NWD2: variants seen among roughly 807,000 people sequenced by gnomAD.
The protein encoded by NWD2 is NACHT and WD repeat domain-containing protein 2.
A neutral mutation model predicts 132.7 loss-of-function variants in NWD2; 37 were observed. That is an observed-to-expected ratio of 0.28 (90% confidence interval 0.21 to 0.37). NWD2 has a LOEUF of 0.37. Among genes scored for constraint, NWD2 ranks in the 10% least tolerant of loss-of-function variants. The probability of loss-of-function intolerance (pLI) is 1.00; values close to 1 mark genes in which losing one functional copy is unlikely to be tolerated. For synonymous variants in NWD2, 705 were observed against 803.0 expected (o/e 0.88, Z 2.06); for missense variants, 1,592 against 2,122.4 (o/e 0.75, Z 4.91).
At chr4:37,290,441 T>C (rs745442815) in intron 1 of NWD2, among the ~76,000 whole-genome samples, 10 of 152,138 alleles carry the variant, frequency 6.6e-5, no homozygotes, top group Non-Finnish European at 1.5e-4. Flanking sequence ...TCCTTACTGA[T>C]TGTAAGTGTG....
chr4:37,275,107 G>A (rs1162633486), intron 1 of NWD2, among the ~76,000 whole-genome samples: 1 of 152,112 alleles, frequency 6.6e-6, no homozygotes. Context: ...AGGAAATAAA[G>A]GGTATTCAAT....
chr4:37,394,908 G>A (rs865950568), intron 3 of NWD2, among the ~76,000 whole-genome samples: 2 of 138,692 alleles, frequency 1.4e-5, no homozygotes, highest in Admixed American at 8.0e-5. Flanking sequence ...TGCCTCCTGG[G>A]TTCCAGTGAT....
At position 37,423,908 on chromosome 4, in the gene NWD2, T is replaced by C. The variant is rs576418313; in HGVS notation, c.358-6664T>C. Among the ~76,000 whole-genome samples, 18 of 152,328 alleles carry C rather than the reference T, an allele frequency of 1.2e-4. No homozygotes were observed. In the South Asian group the frequency reaches 3.3e-3, roughly 28 times the overall value. On this transcript the variant is annotated intron_variant, in intron 3 of 6. Transcript: ENST00000309447. Reference sequence around the variant, plus strand: ...ACTTCTAAATAAAGTATCTTATGTTTGTATTACAAATTCAGATACATGTAT... The same window carrying C: ...ACTTCTAAATAAAGTATCTTATGTTCGTATTACAAATTCAGATACATGTAT...
intron 1 of NWD2, among the ~76,000 whole-genome samples, chr4:37,276,744 C>T (rs1432250505): frequency 6.6e-6 from 1 of 151,994 alleles, no homozygotes; most frequent in Non-Finnish European, 1.5e-5. Context: ...CCCAAATGTC[C>T]AACAATGATA....
intron 1 of NWD2, among the ~76,000 whole-genome samples, chr4:37,302,102 T>C (rs1718623093): frequency 6.6e-6 from 1 of 151,866 alleles, no homozygotes; most frequent in African/African-American, 2.4e-5. Context: ...CCAGCCTCTC[T>C]TTATTCCCTT....
At chr4:37,290,659 G>T (rs1718340542) in intron 1 of NWD2, among the ~76,000 whole-genome samples, 1 of 152,098 alleles carries the variant, frequency 6.6e-6, no homozygotes, top group Admixed American at 6.6e-5. Flanking sequence ...GAAGAAAGAT[G>T]GCATGTTGGA....
intron 1 of NWD2, among the ~76,000 whole-genome samples, chr4:37,318,846 A>G (rs1206303360): frequency 6.6e-6 from 1 of 152,170 alleles, no homozygotes; most frequent in Admixed American, 6.5e-5. Flanking sequence ...TCCATGGTGT[A>G]TATGTACCAC....
At chr4:37,283,133 C>G (rs889787867) in intron 1 of NWD2, among the ~76,000 whole-genome samples, 2 of 152,168 alleles carry the variant, frequency 1.3e-5, no homozygotes, top group East Asian at 1.9e-4. Flanking sequence ...TTCTACTGAA[C>G]TCACCTTAAA....
intron 2 of NWD2, among the ~76,000 whole-genome samples, chr4:37,338,358 A>G (rs1719452106): frequency 6.6e-6 from 1 of 152,228 alleles, no homozygotes; most frequent in African/African-American, 2.4e-5. Flanking sequence ...AATTGCTCAG[A>G]TGTCTTCTTA....
Position 37,319,261 on chromosome 4 carries a change from T to TA in NWD2, c.152-6675_152-6674insA, listed in dbSNP as rs1406887662. ...GGAACATTTTTTCATGTTTGGCCATTTGTGTGTCTTCTTTTGAGAAGTACC... is the reference window on the plus strand; with the variant it reads ...GGAACATTTTTTCATGTTTGGCCATTATGTGTGTCTTCTTTTGAGAAGTACC... On this transcript the variant is annotated intron_variant, in intron 1 of 6. Transcript: ENST00000309447. 3.7e-4 allele frequency among the ~76,000 whole-genome samples: 57 copies of TA among 152,260 alleles called. 1 individual carries two copies. Among genetic ancestry groups the TA allele is most frequent in the African/African-American group, 1.4e-3 (57 of 41,570 alleles).
At chr4:37,329,946 A>G (rs1719257629) in intron 2 of NWD2, among the ~76,000 whole-genome samples, 1 of 152,220 alleles carries the variant, frequency 6.6e-6, no homozygotes, top group Admixed American at 6.5e-5. Context: ...CAGGCCTGGA[A>G]TTGCCTTATT....
At chr4:37,415,716 A>AT (rs201037678) in intron 3 of NWD2, among the ~76,000 whole-genome samples, 2,158 of 151,730 alleles carry the variant, frequency 0.014, 54 homozygotes, top group African/African-American at 0.05. Flanking sequence ...AAAAAAAAAA[A>AT]AAAATAGGCA....
At chr4:37,435,976 C>A (rs1361026110) in intron 5 of NWD2, among the ~76,000 whole-genome samples, 1 of 152,052 alleles carries the variant, frequency 6.6e-6, no homozygotes, top group Non-Finnish European at 1.5e-5. Flanking sequence ...CTGGATAGAA[C>A]CTGTTAAAGG....
chr4:37,325,809 T>C (rs1376760254), intron 1 of NWD2, 127 bp from the exon 2 acceptor site: 4 of 587,330 alleles, frequency 6.8e-6, no homozygotes, highest in Non-Finnish European at 1.2e-5. Flanking sequence ...AATATCCTGT[T>C]ATTTCACAAT....
Position 37,446,920 on chromosome 4 carries a change from G to T in NWD2, c.4932G>T (p.Thr1644=). The T allele has an allele frequency of 1.9e-6, 3 of 1,551,652 alleles. No individual in the cohort carries two copies. The highest frequency in any genetic ancestry group is 2.6e-6 in the Non-Finnish European group (3 of 1,146,996). ...ATGATGGGAGTATAGGGATCTACAC[G>T]GTAGTAGACCGTGTAGATGCTGCAC... ...GFDDGSIGIY[T]VVDRVDAALK... The change falls in exon 7 of 7, where the codon ACG becomes ACT. Residue 1644 remains threonine, a synonymous_variant. Coordinates refer to ENST00000309447, the MANE Select transcript of NWD2 (RefSeq NM_001144990.2). This position sits in a 1 kb window ranked among gnomAD's most constrained non-coding sequence, Gnocchi z 6.7.
rs1718526771 is a variant in NWD2 at position 37,297,846 on chromosome 4, A to G, written c.152-28090A>G. On this transcript the variant is annotated intron_variant, in intron 1 of 6. Transcript: ENST00000309447. The stretch of plus-strand genomic sequence containing the variant: ...TTCTGAGTACATCATATCAGGAGGA[A>G]CATGAAGTTGGTTTGTTCCATTTCT... 2.6e-5 allele frequency among the ~76,000 whole-genome samples: 4 copies of G among 152,130 alleles called. No individual in the cohort carries two copies. In the South Asian group the frequency reaches 8.3e-4, roughly 31 times the overall value.
intron 3 of NWD2, among the ~76,000 whole-genome samples, chr4:37,403,536 G>T (rs919827636): frequency 1.3e-5 from 2 of 152,190 alleles, no homozygotes; most frequent in South Asian, 4.1e-4. Context: ...GATTTCTGAG[G>T]AGTGGGTTCC....
At chr4:37,415,716 A>T (rs940304820) in intron 3 of NWD2, among the ~76,000 whole-genome samples, 11 of 151,730 alleles carry the variant, frequency 7.2e-5, no homozygotes, top group African/African-American at 2.7e-4. Context: ...AAAAAAAAAA[A>T]AAAATAGGCA....
intron 2 of NWD2, among the ~76,000 whole-genome samples, chr4:37,327,321 AAG>A (rs1269100119): frequency 6.6e-6 from 1 of 152,150 alleles, no homozygotes; most frequent in Non-Finnish European, 1.5e-5. Context: ...CTGAGGGAGA[AAG>A]AGAAAAAAAG....
Sources: gnomAD v4.1 joint callset for allele counts (sites outside exome capture counted in the v4.1 genomes callset) on GRCh38, gnomAD v4.1.1 for gene constraint, Gnocchi (gnomAD v3.1) non-coding constraint, MANE v1.5 for transcripts, NCBI Gene and HGNC (gene_info 2026-07-23, HGNC 2026-07-21) for gene names.